The following CEP85L variants were observed in gnomAD, a reference collection of about 807,000 sequenced individuals.
The protein encoded by CEP85L is centrosomal protein of 85 kDa-like.
Under a neutral mutation model 100.3 loss-of-function variants are expected in CEP85L, and 60 were observed. The ratio of observed to expected loss-of-function variants is 0.60; its 90% confidence interval spans 0.49 to 0.74. CEP85L has a LOEUF of 0.74. Among genes scored for constraint, CEP85L ranks in the 30% least tolerant of loss-of-function variants. The pLI is 0.00. For synonymous variants in CEP85L, 319 were observed against 322.7 expected (o/e 0.99, Z 0.12); for missense variants, 973 against 936.2 (o/e 1.04, Z -0.51).
chr6:118,581,484 A>C (rs1468302057), intron 2 of CEP85L, among the ~76,000 whole-genome samples: 1 of 151,888 alleles, frequency 6.6e-6, no homozygotes, highest in Non-Finnish European at 1.5e-5. Flanking sequence ...GGAAATAACA[A>C]GCAGAGGACT....
intron 2 of CEP85L, among the ~76,000 whole-genome samples, chr6:118,629,214 T>C (rs774370857): frequency 7.2e-5 from 11 of 152,220 alleles, no homozygotes; most frequent in Non-Finnish European, 8.8e-5. Flanking sequence ...TCCTCAGATT[T>C]TGGTATCAGG....
In CEP85L at chr6:118,600,859, G is replaced by A. The variant is rs569211221; in HGVS notation, c.232+31594C>T. Among the ~76,000 whole-genome samples, 67 of 151,704 alleles carry A rather than the reference G, an allele frequency of 4.4e-4. 3 individuals are homozygous for A. Among genetic ancestry groups the A allele is most frequent in the South Asian group, 2.1e-4 (1 of 4,804 alleles). On this transcript the variant is annotated intron_variant, in intron 2 of 12. Coordinates refer to ENST00000368491, the MANE Select transcript of CEP85L (RefSeq NM_001042475.3). ...TGCCATAAAGGAATAAAATTGAGGC[G>A]TGTGTTCAATTTGCCATCTTACCCT...
At chr6:118,698,537 A>AG (rs1424664133) in intron 1 of CEP85L, among the ~76,000 whole-genome samples, 1 of 106,142 alleles carries the variant, frequency 9.4e-6, no homozygotes, top group Non-Finnish European at 2.5e-5. Context: ...TTGCTGAAGC[A>AG]GAAAAAAAAA....
chr6:118,639,349 C>T (rs566044252), intron 1 of CEP85L, among the ~76,000 whole-genome samples: 1 of 152,154 alleles, frequency 6.6e-6, no homozygotes, highest in Non-Finnish European at 1.5e-5. Flanking sequence ...GATCTGTGAG[C>T]CCCTTACGGC....
intron 1 of CEP85L, among the ~76,000 whole-genome samples, chr6:118,676,963 A>G (rs1331698704): frequency 6.6e-6 from 1 of 151,564 alleles, no homozygotes; most frequent in Admixed American, 6.6e-5. Context: ...ATTTTTTTTC[A>G]TTTCTCTGTT....
intron 3 of CEP85L, among the ~76,000 whole-genome samples, chr6:118,542,550 G>A (rs933044344): frequency 1.1e-4 from 17 of 151,800 alleles, no homozygotes; most frequent in African/African-American, 3.6e-4. Context: ...AATTCGATCT[G>A]CCTTCCATTT....
intron 3 of CEP85L, among the ~76,000 whole-genome samples, chr6:118,541,140 G>A (rs1777882949): frequency 6.6e-6 from 1 of 152,170 alleles, no homozygotes; most frequent in African/African-American, 2.4e-5. Context: ...AGCCCATTGA[G>A]AAAAGAATAC....
chr6:118,532,342 C>T (rs958494760), intron 3 of CEP85L, among the ~76,000 whole-genome samples: 2 of 151,782 alleles, frequency 1.3e-5, no homozygotes, highest in Non-Finnish European at 2.9e-5. Flanking sequence ...CAACAGATAC[C>T]AGGGCCTACT....
At chr6:118,669,575 A>G (rs896580847) in intron 1 of CEP85L, among the ~76,000 whole-genome samples, 4 of 151,948 alleles carry the variant, frequency 2.6e-5, no homozygotes, top group African/African-American at 4.8e-5. Context: ...GTCTATAAAT[A>G]TTTTCATTAG....
intron 1 of CEP85L, among the ~76,000 whole-genome samples, chr6:118,702,064 T>C (rs1198709940): frequency 6.6e-6 from 1 of 152,162 alleles, no homozygotes; most frequent in Non-Finnish European, 1.5e-5. Context: ...GCATTAATAT[T>C]TTGCTTTATA....
chr6:118,635,257 A>C (rs367949120), intron 1 of CEP85L, among the ~76,000 whole-genome samples: 1 of 152,234 alleles, frequency 6.6e-6, no homozygotes, highest in Admixed American at 6.5e-5. Context: ...ATAATGTTTA[A>C]GTGCTAAAAA....
chr6:118,613,685 A>C (rs1772810113), intron 2 of CEP85L, among the ~76,000 whole-genome samples: 1 of 140,996 alleles, frequency 7.1e-6, no homozygotes, highest in African/African-American at 2.6e-5. Context: ...TGAACCCAGG[A>C]GTTGGAGGTT....
At chr6:118,539,652 T>C (rs867954618) in intron 3 of CEP85L, among the ~76,000 whole-genome samples, 8 of 146,914 alleles carry the variant, frequency 5.4e-5, no homozygotes, top group East Asian at 3.9e-4. Context: ...GTTTCTTACA[T>C]AGGTAAACCT....
upstream of CEP85L, among the ~76,000 whole-genome samples, chr6:118,654,045 T>C (rs1455250382): frequency 6.6e-6 from 1 of 152,242 alleles, no homozygotes; most frequent in African/African-American, 2.4e-5. Context: ...GTTTTTCTGA[T>C]TCAAATTTAT....
At chr6:118,676,878 C>G (rs1776500850) in intron 1 of CEP85L, among the ~76,000 whole-genome samples, 4 of 152,084 alleles carry the variant, frequency 2.6e-5, no homozygotes, top group African/African-American at 9.7e-5. Context: ...TAAATGATAG[C>G]CATTCTAACC....
At chr6:118,589,737 A>G in intron 2 of CEP85L, 1 of 232,980 alleles carries the variant, frequency 4.3e-6, no homozygotes, top group Non-Finnish European at 8.5e-6. Context: ...CATCAGGTGT[A>G]TAGCAAGTGA....
chr6:118,615,438 G>GGA (rs1554230961), intron 2 of CEP85L, among the ~76,000 whole-genome samples: 2 of 149,202 alleles, frequency 1.3e-5, no homozygotes, highest in African/African-American at 2.5e-5. Flanking sequence ...AAGTAAATGG[G>GGA]AAAAAAAAAA....
rs1447700469 is a variant in CEP85L, at chr6:118,600,366, TGTGTAA to T, written c.232+32081_232+32086del. 6.5e-4 allele frequency among the ~76,000 whole-genome samples: 79 copies of T among 121,840 alleles called. 3 individuals are homozygous for T. The highest frequency in any genetic ancestry group is 8.3e-4 in the South Asian group (3 of 3,624). The allele number at this position is 121,840 out of a possible 152,430, so 79.9% of individuals were successfully genotyped here. A position where few individuals can be genotyped will look rare whatever the true frequency, so the allele number is the denominator to read the frequency against. On this transcript the variant is annotated intron_variant, in intron 2 of 12. Transcript: ENST00000368491. ...GTGTGTGTGTGTGTGTGTGTGTGTGTGTGTAACGCCATGGAGCAATCTCAGCTCACT... is the reference window on the plus strand; with the variant it reads ...GTGTGTGTGTGTGTGTGTGTGTGTGTCGCCATGGAGCAATCTCAGCTCACT...
intron 1 of CEP85L, among the ~76,000 whole-genome samples, chr6:118,649,865 A>C (rs1296717636): frequency 1.3e-5 from 2 of 152,240 alleles, no homozygotes; most frequent in Non-Finnish European, 2.9e-5. Flanking sequence ...ACCAAACTTA[A>C]GTGAATGATT....
Sources: gnomAD v4.1 joint callset for allele counts (sites outside exome capture counted in the v4.1 genomes callset) on GRCh38, gnomAD v4.1.1 for gene constraint, MANE v1.5 for transcripts, NCBI Gene and HGNC (gene_info 2026-07-23, HGNC 2026-07-21) for gene names.